Variants in SNCAIP observed in about 807,000 individuals in gnomAD.
The protein encoded by SNCAIP is synuclein alpha interacting protein, also known as synphilin-1.
Under a neutral mutation model 86.7 loss-of-function variants are expected in SNCAIP, and 43 were observed. The observed-to-expected ratio is 0.50, with a 90% CI of 0.39 to 0.64. The LOEUF (loss-of-function observed/expected upper bound fraction) is 0.64. SNCAIP is among the 30% of genes least tolerant of loss of function. The pLI is 0.00. For missense variants in SNCAIP, 981 were observed against 1,103.1 expected, an observed-to-expected ratio of 0.89 and a Z score of 1.57; for synonymous variants, 417 against 427.2, an observed-to-expected ratio of 0.98 and a Z score of 0.29.
chr5:122,404,607 G>A (rs1772571256), intron 3 of SNCAIP, among the ~76,000 whole-genome samples: 1 of 152,146 alleles, frequency 6.6e-6, no homozygotes. Flanking sequence ...ATTTTTCCAA[G>A]TAATTACTCT....
intron 3 of SNCAIP, among the ~76,000 whole-genome samples, chr5:122,412,824 G>C (rs890531973): frequency 1.3e-5 from 2 of 152,196 alleles, no homozygotes; most frequent in Non-Finnish European, 2.9e-5. Flanking sequence ...ACTGCACTCT[G>C]CTGACTGAAA....
intron 1 of SNCAIP, among the ~76,000 whole-genome samples, chr5:122,368,224 T>A (rs1258953201): frequency 6.6e-6 from 1 of 152,144 alleles, no homozygotes; most frequent in Admixed American, 6.5e-5. Flanking sequence ...GATACCCTAG[T>A]GTTCCAGGTA....
intron 1 of SNCAIP, among the ~76,000 whole-genome samples, chr5:122,319,594 T>C (rs892940509): frequency 6.6e-6 from 1 of 152,198 alleles, no homozygotes; most frequent in African/African-American, 2.4e-5. Context: ...AGAAAAGATG[T>C]CCACACATAC....
At chr5:122,377,587 G>T (rs1288644137) in intron 1 of SNCAIP, among the ~76,000 whole-genome samples, 1 of 151,940 alleles carries the variant, frequency 6.6e-6, no homozygotes, top group Non-Finnish European at 1.5e-5. Context: ...TGTGCACATT[G>T]TGCAGGTTAG....
At chr5:122,314,263 G>A (rs976707124) in intron 1 of SNCAIP, among the ~76,000 whole-genome samples, 3 of 152,208 alleles carry the variant, frequency 2.0e-5, no homozygotes. Context: ...ACAAACAAAT[G>A]ATCTTTGATA....
intron 1 of SNCAIP, among the ~76,000 whole-genome samples, chr5:122,364,921 T>C (rs1458784000): frequency 6.6e-6 from 1 of 152,200 alleles, no homozygotes; most frequent in Non-Finnish European, 1.5e-5. Context: ...ATTTTTAAAA[T>C]ATACTGCTCA....
chr5:122,421,471 G>A (rs566798661), intron 3 of SNCAIP, among the ~76,000 whole-genome samples: 7 of 152,314 alleles, frequency 4.6e-5, no homozygotes, highest in South Asian at 4.1e-4. Context: ...AATAATGTAT[G>A]TTCCACTTTC....
chr5:122,325,502 A>T (rs931344923), intron 1 of SNCAIP, among the ~76,000 whole-genome samples: 3 of 152,214 alleles, frequency 2.0e-5, no homozygotes, highest in African/African-American at 7.2e-5. Flanking sequence ...TTACTAGCTC[A>T]GAGTACTACA....
At chr5:122,336,137 T>G (rs1756399743) in intron 1 of SNCAIP, among the ~76,000 whole-genome samples, 1 of 152,142 alleles carries the variant, frequency 6.6e-6, no homozygotes, top group South Asian at 2.1e-4. Context: ...AAGCCTATTT[T>G]GCATAGAAGT....
intron 8 of SNCAIP, among the ~76,000 whole-genome samples, chr5:122,448,101 C>A (rs2737089): frequency 6.6e-6 from 1 of 152,116 alleles, no homozygotes; most frequent in East Asian, 1.9e-4. Context: ...TTAGATTTAG[C>A]CAGCTAATCG....
At chr5:122,441,660 AAC>A (rs1378081889) in intron 7 of SNCAIP, among the ~76,000 whole-genome samples, 3 of 152,208 alleles carry the variant, frequency 2.0e-5, no homozygotes, top group Non-Finnish European at 2.9e-5. Context: ...AGGAAAGCCC[AAC>A]AAAGGTCTCC....
At chr5:122,311,747 G>C (rs962653749), upstream of SNCAIP, 1 of 152,606 alleles carries the variant, frequency 6.6e-6, no homozygotes, top group African/African-American at 2.4e-5. Flanking sequence ...CCCAGCTGGG[G>C]AAAAGCAACG....
chr5:122,449,403 T>C (rs914015271), intron 8 of SNCAIP, among the ~76,000 whole-genome samples: 3 of 152,172 alleles, frequency 2.0e-5, no homozygotes, highest in Admixed American at 1.3e-4. Context: ...CTGCAAATAG[T>C]ATTTTGTAGT....
chr5:122,386,112 T>G (rs891470223), intron 1 of SNCAIP, among the ~76,000 whole-genome samples: 2 of 152,198 alleles, frequency 1.3e-5, no homozygotes, highest in African/African-American at 4.8e-5. Context: ...CAAGGAAATT[T>G]TGTTGGCCAC....
chr5:122,417,375 A>C (rs1433955461), intron 3 of SNCAIP, among the ~76,000 whole-genome samples: 1 of 152,224 alleles, frequency 6.6e-6, no homozygotes, highest in East Asian at 1.9e-4. Flanking sequence ...CCATACAGTC[A>C]TAGAAATTTA....
chr5:122,359,229 G>A (rs930158059), intron 1 of SNCAIP, among the ~76,000 whole-genome samples: 8 of 151,956 alleles, frequency 5.3e-5, no homozygotes, highest in Non-Finnish European at 1.0e-4. Context: ...ATGTTCTGAA[G>A]TGTAGATTCT....
intron 1 of SNCAIP, among the ~76,000 whole-genome samples, chr5:122,334,815 A>G (rs1018179466): frequency 6.6e-6 from 1 of 152,250 alleles, no homozygotes; most frequent in African/African-American, 2.4e-5. Context: ...ACCATTATAC[A>G]TATAAATAAA....
At chr5:122,430,924 AT>A (rs1432304093) in intron 5 of SNCAIP, among the ~76,000 whole-genome samples, 3 of 152,084 alleles carry the variant, frequency 2.0e-5, no homozygotes, top group Non-Finnish European at 2.9e-5. Context: ...ATAAAAGATA[AT>A]TTCCCTTTTT....
chr5:122,447,199 G>C (rs1486829227), intron 8 of SNCAIP, among the ~76,000 whole-genome samples: 1 of 152,182 alleles, frequency 6.6e-6, no homozygotes, highest in Non-Finnish European at 1.5e-5. Context: ...AGAGAAGCAA[G>C]GAACAGCTTC....
Sources: allele counts gnomAD v4.1 joint callset (sites outside exome capture counted in the v4.1 genomes callset), GRCh38; gene constraint gnomAD v4.1.1; transcripts MANE v1.5; gene names NCBI Gene and HGNC (gene_info 2026-07-23, HGNC 2026-07-21).